Variants in MAGI2 observed in about 807,000 individuals in gnomAD.
MAGI2 encodes the protein membrane associated guanylate kinase, WW and PDZ domain containing 2, also known as membrane-associated guanylate kinase, WW and PDZ domain-containing protein 2.
Under a neutral mutation model 133.3 loss-of-function variants are expected in MAGI2, and 35 were observed. That is an observed-to-expected ratio of 0.26 (90% CI 0.20 to 0.35). MAGI2 has a LOEUF of 0.35. MAGI2 is among the 10% of genes least tolerant of loss of function. The pLI is 1.00. For missense variants in MAGI2, 1,636 were observed against 1,863.4 expected, an observed-to-expected ratio of 0.88 and a Z score of 2.25; for synonymous variants, 729 against 710.6, an observed-to-expected ratio of 1.03 and a Z score of -0.41.
At chr7:79,408,416 G>T (rs548572853) in intron 1 of MAGI2, among the ~76,000 whole-genome samples, 1 of 152,040 alleles carries the variant, frequency 6.6e-6, no homozygotes, top group South Asian at 2.1e-4. Context: ...AATGTCTAGA[G>T]TTGGGTCTTT....
chr7:78,911,710 T>C (rs1353586482), intron 2 of MAGI2, among the ~76,000 whole-genome samples: 2 of 152,048 alleles, frequency 1.3e-5, no homozygotes, highest in Non-Finnish European at 2.9e-5. Context: ...TTGCTTAACT[T>C]TTATTTTAGG....
chr7:78,039,484 C>T (rs565744805), intron 21 of MAGI2: 1 of 152,250 alleles, frequency 6.6e-6, no homozygotes, highest in African/African-American at 2.4e-5. Context: ...TGCTCTAGGT[C>T]AATAGGAGTA....
intron 2 of MAGI2, among the ~76,000 whole-genome samples, chr7:78,650,307 G>C (rs974957710): frequency 2.6e-5 from 4 of 152,116 alleles, no homozygotes; most frequent in Admixed American, 6.5e-5. Context: ...AAATGTTCTT[G>C]GTTCCAATTG....
intron 6 of MAGI2, among the ~76,000 whole-genome samples, chr7:78,422,250 C>A (rs6975027): frequency 6.6e-6 from 1 of 151,882 alleles, no homozygotes; most frequent in Non-Finnish European, 1.5e-5. Flanking sequence ...GCGGTACATG[C>A]GTATTCTCAT....
At chr7:79,278,938 G>A (rs925483278) in intron 1 of MAGI2, among the ~76,000 whole-genome samples, 4 of 152,146 alleles carry the variant, frequency 2.6e-5, no homozygotes, top group African/African-American at 4.8e-5. Context: ...AGTAGGAAGA[G>A]ATGACATAGT....
At chr7:79,357,043 T>C (rs1254848746) in intron 1 of MAGI2, among the ~76,000 whole-genome samples, 1 of 152,344 alleles carries the variant, frequency 6.6e-6, no homozygotes, top group East Asian at 1.9e-4. Flanking sequence ...CAATGGGTAT[T>C]ATAAATGATG....
intron 16 of MAGI2, among the ~76,000 whole-genome samples, chr7:78,155,656 GC>G (rs1275042151): frequency 6.6e-6 from 1 of 151,898 alleles, no homozygotes; most frequent in African/African-American, 2.4e-5. Flanking sequence ...AAACAAACAA[GC>G]AAAAAGATAT....
At chr7:78,260,393 T>C (rs1793402049) in intron 9 of MAGI2, among the ~76,000 whole-genome samples, 1 of 152,164 alleles carries the variant, frequency 6.6e-6, no homozygotes, top group African/African-American at 2.4e-5. Flanking sequence ...CTCTAACCTG[T>C]TGGCCTACTT....
At chr7:78,115,359 G>T (rs1366805151) in intron 20 of MAGI2, among the ~76,000 whole-genome samples, 1 of 152,032 alleles carries the variant, frequency 6.6e-6, no homozygotes, top group African/African-American at 2.4e-5. Context: ...AAAAATGATA[G>T]AATTAAATAC....
intron 7 of MAGI2, chr7:78,358,377 GA>G (rs1279558681): frequency 6.6e-6 from 1 of 151,884 alleles, no homozygotes; most frequent in Non-Finnish European, 1.5e-5. Flanking sequence ...GTTCTGCTGG[GA>G]AGGAAACTGG....
At chr7:79,325,019 G>T (rs1367802631) in intron 1 of MAGI2, among the ~76,000 whole-genome samples, 1 of 151,668 alleles carries the variant, frequency 6.6e-6, no homozygotes, top group East Asian at 1.9e-4. Flanking sequence ...GGTGTAGCTT[G>T]GTCTATAAGA....
chr7:78,636,910 C>T (rs978421356), intron 2 of MAGI2, among the ~76,000 whole-genome samples: 8 of 152,222 alleles, frequency 5.3e-5, no homozygotes, highest in Non-Finnish European at 1.0e-4. Context: ...TCTCACTCCC[C>T]AGAGTCTCTG....
At chr7:79,101,246 A>G (rs1562889866) in intron 1 of MAGI2, among the ~76,000 whole-genome samples, 1 of 152,146 alleles carries the variant, frequency 6.6e-6, no homozygotes, top group Non-Finnish European at 1.5e-5. Context: ...GTCAATGCAA[A>G]GGTACTTATC....
At chr7:78,550,226 G>T (rs763153925) in intron 3 of MAGI2, among the ~76,000 whole-genome samples, 8 of 152,116 alleles carry the variant, frequency 5.3e-5, no homozygotes, top group Non-Finnish European at 8.8e-5. Flanking sequence ...AGCCTGAATG[G>T]ACTAAGGTAA....
intron 1 of MAGI2, among the ~76,000 whole-genome samples, chr7:79,135,940 A>AAAGAAAGAAAGC: frequency 1.0e-4 from 1 of 9,646 alleles, no homozygotes; most frequent in South Asian, 5.1e-3. Flanking sequence ...AATCCTCTCG[A>AAAGAAAGAAAGC]AAGAAAGAAA....
intron 4 of MAGI2, among the ~76,000 whole-genome samples, chr7:78,520,020 G>A (rs1796362218): frequency 6.6e-6 from 1 of 152,140 alleles, no homozygotes; most frequent in Non-Finnish European, 1.5e-5. Flanking sequence ...CAAAAAAGAG[G>A]AAGGTATCTA....
chr7:78,780,595 G>C (rs530320416), intron 2 of MAGI2, among the ~76,000 whole-genome samples: 1 of 152,218 alleles, frequency 6.6e-6, no homozygotes, highest in African/African-American at 2.4e-5. Flanking sequence ...CCATGCTCCC[G>C]ATCTTCACCT....
intron 1 of MAGI2, among the ~76,000 whole-genome samples, chr7:79,095,161 T>C (rs1016560672): frequency 1.3e-5 from 2 of 152,202 alleles, no homozygotes; most frequent in African/African-American, 2.4e-5. Flanking sequence ...CTGGATAGCC[T>C]CTGCGAACTT....
intron 20 of MAGI2, among the ~76,000 whole-genome samples, chr7:78,081,329 G>A (rs1233636941): frequency 6.6e-6 from 1 of 152,124 alleles, no homozygotes; most frequent in African/African-American, 2.4e-5. Flanking sequence ...CAGTCAACTG[G>A]GGATATAGAG....
Sources: gnomAD v4.1 joint callset for allele counts (sites outside exome capture counted in the v4.1 genomes callset) on GRCh38, gnomAD v4.1.1 for gene constraint, MANE v1.5 for transcripts, NCBI Gene and HGNC (gene_info 2026-07-23, HGNC 2026-07-21) for gene names.